The following CCDC6 variants were observed in gnomAD, a reference collection of about 807,000 sequenced individuals.
The protein encoded by CCDC6 is coiled-coil domain containing 6.
Under a neutral mutation model 56.6 loss-of-function variants are expected in CCDC6, and 20 were observed. The observed-to-expected ratio is 0.35, with a 90% CI of 0.25 to 0.51. CCDC6 has a LOEUF of 0.51. Among genes scored for constraint, CCDC6 ranks in the 20% least tolerant of loss-of-function variants. The probability of loss-of-function intolerance (pLI) is 0.95; values close to 1 mark genes in which losing one functional copy is unlikely to be tolerated. For synonymous variants in CCDC6, 241 were observed against 234.4 expected, an observed-to-expected ratio of 1.03 and a Z score of -0.26; for missense variants, 367 against 601.1, an observed-to-expected ratio of 0.61 and a Z score of 4.07.
chr10:59,884,327 C>A (rs1291084399), intron 1 of CCDC6, among the ~76,000 whole-genome samples: 1 of 152,092 alleles, frequency 6.6e-6, no homozygotes, highest in Non-Finnish European at 1.5e-5. Flanking sequence ...GAGACAGCGA[C>A]GACAATAAGC....
At chr10:59,883,864 ATTG>A (rs1214420764) in intron 1 of CCDC6, among the ~76,000 whole-genome samples, 2 of 152,318 alleles carry the variant, frequency 1.3e-5, no homozygotes, top group African/African-American at 2.4e-5. Flanking sequence ...AGTTTAATGT[ATTG>A]TTGTCAGAGT....
At chr10:59,818,774 C>T (rs770571040) in intron 3 of CCDC6, among the ~76,000 whole-genome samples, 5 of 151,670 alleles carry the variant, frequency 3.3e-5, no homozygotes, top group African/African-American at 4.8e-5. Context: ...GGAATAAGCA[C>T]GTTAGAAAAT....
intron 1 of CCDC6, among the ~76,000 whole-genome samples, chr10:59,896,588 T>TA (rs2071465243): frequency 7.0e-6 from 1 of 143,538 alleles, no homozygotes; most frequent in Non-Finnish European, 1.6e-5. Context: ...AAGTCTTTCT[T>TA]TAAAAAAAAA....
intron 3 of CCDC6, among the ~76,000 whole-genome samples, chr10:59,820,700 A>G (rs2132636595): frequency 6.6e-6 from 1 of 152,148 alleles, no homozygotes; most frequent in East Asian, 1.9e-4. Flanking sequence ...GTGAGCTATG[A>G]CTGTGCCACT....
chr10:59,817,248 A>T (rs2070716682), intron 3 of CCDC6, among the ~76,000 whole-genome samples: 1 of 152,112 alleles, frequency 6.6e-6, no homozygotes, highest in Admixed American at 6.5e-5. Flanking sequence ...TGGCACGATC[A>T]TGGATCACTG....
At chr10:59,877,444 C>G (rs770074719) in intron 1 of CCDC6, among the ~76,000 whole-genome samples, 1 of 152,106 alleles carries the variant, frequency 6.6e-6, no homozygotes, top group Non-Finnish European at 1.5e-5. Context: ...TGCGAAATGG[C>G]AGAAAGTCAG....
At chr10:59,869,389 CAAAAAAAAAAAAAAAAAAAA>C (rs1167007522) in intron 1 of CCDC6, among the ~76,000 whole-genome samples, 1 of 6,090 alleles carries the variant, frequency 1.6e-4, no homozygotes, top group African/African-American at 4.5e-4. Context: ...CTTGCTCAGG[CAAAAAAAAAAAAAAAAAAAA>C]AAAAAAAAAA....
intron 1 of CCDC6, among the ~76,000 whole-genome samples, chr10:59,867,760 G>C (rs534040771): frequency 6.6e-6 from 1 of 152,122 alleles, no homozygotes; most frequent in East Asian, 1.9e-4. Flanking sequence ...TAGAGATGGG[G>C]TTTCGCCATG....
intron 3 of CCDC6, among the ~76,000 whole-genome samples, chr10:59,817,469 G>GC (rs2070717923): frequency 6.6e-6 from 1 of 152,202 alleles, no homozygotes; most frequent in Middle Eastern, 3.4e-3. Flanking sequence ...GTGAGCCACT[G>GC]CCCCCAGCCT....
intron 1 of CCDC6, among the ~76,000 whole-genome samples, chr10:59,892,665 A>G (rs2071431369): frequency 7.1e-6 from 1 of 141,790 alleles, no homozygotes; most frequent in Admixed American, 7.5e-5. Context: ...TTCTACAGGA[A>G]TAACTCACAC....
chr10:59,896,869 A>C (rs989230052), intron 1 of CCDC6, among the ~76,000 whole-genome samples: 7 of 152,204 alleles, frequency 4.6e-5, no homozygotes, highest in African/African-American at 9.7e-5. Flanking sequence ...AATGCAAAAA[A>C]AGTCACTGGT....
At chr10:59,882,047 C>CGCGGGG (rs1564755820) in intron 1 of CCDC6, among the ~76,000 whole-genome samples, 4 of 83,722 alleles carry the variant, frequency 4.8e-5, no homozygotes, top group African/African-American at 1.7e-4. Flanking sequence ...AAAGGAAAGC[C>CGCGGGG]AGGGGGAGAA....
intron 3 of CCDC6, among the ~76,000 whole-genome samples, chr10:59,832,033 G>C (rs1021363445): frequency 6.6e-6 from 1 of 152,200 alleles, no homozygotes; most frequent in African/African-American, 2.4e-5. Flanking sequence ...GTTGACTCAA[G>C]GTGAGTTACC....
chr10:59,832,843 T>C (rs1384192193), intron 2 of CCDC6, among the ~76,000 whole-genome samples, 190 bp from the exon 3 acceptor site: 3 of 152,224 alleles, frequency 2.0e-5, no homozygotes, highest in Non-Finnish European at 2.9e-5. Context: ...CCAAAAGTCA[T>C]AGGGAATGGA....
chr10:59,792,063 G>A lies in CCDC6; in HGVS notation c.*854C>T, dbSNP rs1471269576. The A allele has an allele frequency of 1.8e-5, 4 of 226,600 alleles. No individual in the cohort carries two copies. The highest frequency in any genetic ancestry group is 1.8e-4 in the South Asian group (1 of 5,504). The allele number at this position is 226,600 out of a possible 1,614,324, so 14.0% of individuals were successfully genotyped here. A position where few individuals can be genotyped will look rare whatever the true frequency, so the allele number is the denominator to read the frequency against. ...AAATGAAGTACGAAAGGGGGAAGCC[G>A]CATTGTTTTTGTTACAATCACACTG... On this transcript the variant is annotated 3_prime_UTR_variant, in exon 9 of 9. Transcript: ENST00000263102.
intron 2 of CCDC6, among the ~76,000 whole-genome samples, chr10:59,839,555 A>G (rs1351243157): frequency 2.6e-5 from 4 of 152,124 alleles, no homozygotes; most frequent in African/African-American, 9.7e-5. Flanking sequence ...TCCTGTTTAT[A>G]GCCCCTCTCC....
At position 59,838,246 on chromosome 10, in the gene CCDC6, T is replaced by TTG. The variant is rs571867510; in HGVS notation, c.454-5594_454-5593insCA. 2.7e-4 allele frequency among the ~76,000 whole-genome samples: 35 copies of TTG among 127,920 alleles called. No individual in the cohort carries two copies. The South Asian group carries it at 8.7e-3, about 32-fold the overall frequency. 83.9% of individuals were successfully genotyped at this position (127,920 alleles called of 152,430 possible). A position where few individuals can be genotyped will look rare whatever the true frequency, so the allele number is the denominator to read the frequency against. ...ACAGCTGTCACACACACACACACTC[T>TTG]CCTTTGTGTGTGCCATGTGCTCATG... is the stretch of plus-strand genomic sequence containing the variant. On this transcript the variant is annotated intron_variant, in intron 2 of 8. Transcript: ENST00000263102.
chr10:59,832,132 T>C (rs2070840298), intron 3 of CCDC6, among the ~76,000 whole-genome samples: 2 of 152,102 alleles, frequency 1.3e-5, no homozygotes, highest in Admixed American at 1.3e-4. Flanking sequence ...AAGAGGAAAA[T>C]GTTAATTGTT....
intron 1 of CCDC6, among the ~76,000 whole-genome samples, chr10:59,857,823 T>C (rs1338616848): frequency 1.3e-5 from 2 of 152,202 alleles, no homozygotes; most frequent in Admixed American, 1.3e-4. Context: ...GTTTGTTGTC[T>C]AGTCACAAAT....
Sources: gnomAD v4.1 joint callset for allele counts (sites outside exome capture counted in the v4.1 genomes callset) on GRCh38, gnomAD v4.1.1 for gene constraint, MANE v1.5 for transcripts, NCBI Gene and HGNC (gene_info 2026-07-23, HGNC 2026-07-21) for gene names.